Variants in DHX40 observed in about 807,000 individuals in gnomAD.
The protein encoded by DHX40 is probable ATP-dependent RNA helicase DHX40.
A neutral mutation model predicts 89.6 loss-of-function variants in DHX40; 28 were observed. The observed-to-expected ratio is 0.31, with a 90% CI of 0.23 to 0.43. The LOEUF (loss-of-function observed/expected upper bound fraction) is 0.43, where lower values mean the gene tolerates loss of function less well. Ranked by LOEUF, DHX40 falls within the 20% of genes least tolerant of loss-of-function variation. The probability of loss-of-function intolerance (pLI) is 1.00; values close to 1 mark genes in which losing one functional copy is unlikely to be tolerated. For synonymous variants in DHX40, 226 were observed against 283.6 expected (o/e 0.80, Z 2.04); for missense variants, 457 against 844.0 (o/e 0.54, Z 5.68).
At position 59,607,403 on chromosome 17, in the gene DHX40, A is replaced by G. The variant is rs1057436738; in HGVS notation, c.*231A>G. On this transcript the variant is annotated 3_prime_UTR_variant, in exon 18 of 18. Coordinates refer to ENST00000251241, the MANE Select transcript of DHX40 (RefSeq NM_024612.5). ...TCATAAGCAATGATACATGAAACCAATGAAAGACAGTACATGTAATAATAT... is the reference window on the plus strand; with the variant it reads ...TCATAAGCAATGATACATGAAACCAGTGAAAGACAGTACATGTAATAATAT... 17 of 755,178 alleles carry G rather than the reference A, an allele frequency of 2.3e-5. No homozygotes were observed. Among genetic ancestry groups the G allele is most frequent in the Non-Finnish European group, 3.2e-5 (15 of 464,076 alleles). 46.8% of individuals were successfully genotyped at this position (755,178 alleles called of 1,614,324 possible).
chr17:59,585,603 G>C (rs2048983097), intron 10 of DHX40, among the ~76,000 whole-genome samples: 1 of 147,066 alleles, frequency 6.8e-6, no homozygotes, highest in African/African-American at 2.6e-5. Flanking sequence ...TGTGCCTGTA[G>C]TCCCAGCTAC....
rs1269262884 is a variant in DHX40, at chr17:59,566,673, T to G, written c.159T>G (p.Phe53Leu). The change falls in exon 2 of 18, where the codon TTT (phenylalanine) becomes TTG (leucine). Residue 53 changes from phenylalanine (F) to leucine (L), a missense_variant. By Grantham distance (22) the Phe-to-Leu change is conservative (BLOSUM62 0). This residue lies in a region of DHX40 where 75 missense variants were observed against 76.8 expected (regional missense o/e 0.98). Transcript: ENST00000251241. ...TSQEGGTTPT[F>L]PIQKQRKKII... is the part of the protein sequence containing the mutation. The stretch of plus-strand genomic sequence containing the variant: ...AGGAGGGAGGAACTACTCCAACTTT[T>G]CCTATTCAGAAACAAAGAAAAAAGA... 1 of 1,604,478 alleles carries G rather than the reference T, an allele frequency of 6.2e-7. No homozygotes were observed. Among genetic ancestry groups the G allele is most frequent in the East Asian group, 2.2e-5 (1 of 44,556 alleles).
intron 2 of DHX40, among the ~76,000 whole-genome samples, chr17:59,570,304 A>C (rs1340671605): frequency 2.9e-5 from 4 of 137,186 alleles, no homozygotes; most frequent in Non-Finnish European, 4.6e-5. Context: ...TATATATTAT[A>C]TATATAATAT....
chr17:59,574,620 CACTG>C (rs1421429576), intron 6 of DHX40, among the ~76,000 whole-genome samples: 2 of 149,610 alleles, frequency 1.3e-5, no homozygotes, highest in African/African-American at 5.0e-5. Flanking sequence ...ATGTAAAACA[CACTG>C]ACCTTTTAAT....
chr17:59,601,319 CAAAA>C (rs970015967), intron 14 of DHX40, among the ~76,000 whole-genome samples: 2 of 151,850 alleles, frequency 1.3e-5, no homozygotes, highest in Non-Finnish European at 2.9e-5. Flanking sequence ...AAAACAAAAA[CAAAA>C]AAACCTACCC....
intron 12 of DHX40, among the ~76,000 whole-genome samples, chr17:59,597,286 AAG>A (rs1274142955): frequency 2.7e-5 from 2 of 74,092 alleles, no homozygotes; most frequent in Non-Finnish European, 2.7e-5. Flanking sequence ...GAGGGCATAA[AAG>A]GGGGCTGTTG....
At chr17:59,585,539 A>G (rs1259692545) in intron 10 of DHX40, among the ~76,000 whole-genome samples, 1 of 151,094 alleles carries the variant, frequency 6.6e-6, no homozygotes, top group African/African-American at 2.5e-5. Flanking sequence ...CCTGGGCAAC[A>G]TGGTGAAACC....
intron 11 of DHX40, among the ~76,000 whole-genome samples, chr17:59,587,318 G>A (rs1598158772): frequency 6.6e-6 from 1 of 151,012 alleles, no homozygotes; most frequent in African/African-American, 2.4e-5. Context: ...CCACCTCCCA[G>A]GTTCAAGCAA....
chr17:59,587,142 C>T (rs1598158365), intron 11 of DHX40, among the ~76,000 whole-genome samples: 1 of 141,122 alleles, frequency 7.1e-6, no homozygotes, highest in East Asian at 2.0e-4. Context: ...GGAGACGGAG[C>T]AAGACCCTGT....
intron 11 of DHX40, among the ~76,000 whole-genome samples, chr17:59,587,359 G>A (rs952130626): frequency 3.3e-5 from 5 of 150,274 alleles, no homozygotes; most frequent in African/African-American, 1.2e-4. Flanking sequence ...AGGTAGCTGG[G>A]ATTATAGGCA....
At chr17:59,572,568 G>T (rs2048825473) in intron 3 of DHX40, among the ~76,000 whole-genome samples, 1 of 152,092 alleles carries the variant, frequency 6.6e-6, no homozygotes, top group Non-Finnish European at 1.5e-5. Context: ...TATTAGAGAT[G>T]TGGTTTTGCT....
intron 16 of DHX40, 115 bp downstream of exon 16, chr17:59,605,299 A>G (rs1379326214): frequency 1.9e-5 from 24 of 1,259,820 alleles, no homozygotes; most frequent in Non-Finnish European, 2.6e-5. Flanking sequence ...TCTATATTAC[A>G]TAGATCTATA....
chr17:59,601,734 A>G (rs1375886510), intron 14 of DHX40, among the ~76,000 whole-genome samples: 1 of 151,896 alleles, frequency 6.6e-6, no homozygotes, highest in Non-Finnish European at 1.5e-5. Context: ...TGTGAATTTC[A>G]CCTTGTTGGG....
intron 14 of DHX40, among the ~76,000 whole-genome samples, chr17:59,600,510 T>C (rs545131167): frequency 4.3e-4 from 66 of 151,936 alleles, no homozygotes; most frequent in Non-Finnish European, 8.7e-4. Context: ...TGATTATTAG[T>C]TTTTCAATTT....
chr17:59,588,635 T>C (rs1025284134), intron 12 of DHX40, among the ~76,000 whole-genome samples: 9 of 146,792 alleles, frequency 6.1e-5, no homozygotes, highest in Non-Finnish European at 1.3e-4. Flanking sequence ...CCCAGCCGGG[T>C]TGTTTTCTTA....
chr17:59,600,466 C>CT (rs57671289), intron 14 of DHX40, among the ~76,000 whole-genome samples: 59,064 of 148,596 alleles, frequency 0.4, 14,697 homozygotes, highest in African/African-American at 0.7. Context: ...AGTATATGCT[C>CT]TTTTTTTTTT....
intron 12 of DHX40, among the ~76,000 whole-genome samples, 179 bp downstream of exon 12, chr17:59,588,232 A>AAAAAC (rs2049028570): frequency 3.4e-5 from 5 of 148,082 alleles, no homozygotes; most frequent in African/African-American, 1.3e-4. Context: ...AAAAAAAAAA[A>AAAAAC]AAAAAAAAAC....
intron 2 of DHX40, among the ~76,000 whole-genome samples, chr17:59,568,690 G>C (rs2048743024): frequency 6.6e-6 from 1 of 151,890 alleles, no homozygotes; most frequent in Admixed American, 6.6e-5. Context: ...AACATTTTTG[G>C]ACCTCCACTG....
intron 15 of DHX40, chr17:59,603,939 C>A (rs1364314517): frequency 6.6e-6 from 1 of 152,120 alleles, no homozygotes; most frequent in African/African-American, 2.4e-5. Context: ...ACATACCACA[C>A]AGTAACTAGC....
Sources: allele counts gnomAD v4.1 joint callset (sites outside exome capture counted in the v4.1 genomes callset), GRCh38; gene constraint gnomAD v4.1.1; regional missense constraint gnomAD v4.1.1; transcripts MANE v1.5; gene names NCBI Gene and HGNC (gene_info 2026-07-23, HGNC 2026-07-21).